Variants in TREM1 observed in about 807,000 individuals in gnomAD.
The protein encoded by TREM1 is triggering receptor expressed on myeloid cells 1.
A neutral mutation model predicts 22.4 loss-of-function variants in TREM1; 16 were observed. The ratio of observed to expected loss-of-function variants is 0.71; its 90% CI spans 0.48 to 1.08. The LOEUF (loss-of-function observed/expected upper bound fraction) is 1.08. Among genes scored for constraint, TREM1 ranks in the 50% least tolerant of loss-of-function variants. TREM1 has a pLI of 0.00. For missense variants in TREM1, 283 were observed against 282.9 expected, an observed-to-expected ratio of 1.00 and a Z score of 0.00; for synonymous variants, 110 against 111.6, an observed-to-expected ratio of 0.99 and a Z score of 0.09.
chr6:41,272,119 TG>T (rs34259777), downstream of TREM1, among the ~76,000 whole-genome samples: 1 of 152,080 alleles, frequency 6.6e-6, no homozygotes, highest in Non-Finnish European at 1.5e-5. Context: ...TGACAAACCT[TG>T]GGGGAAGTGT....
downstream of TREM1, among the ~76,000 whole-genome samples, chr6:41,272,001 A>T (rs938746532): frequency 6.6e-6 from 1 of 152,132 alleles, no homozygotes; most frequent in African/African-American, 2.4e-5. Flanking sequence ...TCTGCCACCC[A>T]GATGTGCTGT....
chr6:41,267,508 T>C (rs752773169), downstream of TREM1, among the ~76,000 whole-genome samples: 65 of 152,032 alleles, frequency 4.3e-4, 3 homozygotes, highest in South Asian at 1.2e-3. Flanking sequence ...CAAATAGACA[T>C]GGAAAATATG....
intron 3 of TREM1, 33 bp downstream of exon 3, chr6:41,280,928 C>T (rs745613571): frequency 6.2e-7 from 1 of 1,614,034 alleles, no homozygotes; most frequent in Non-Finnish European, 8.5e-7. Context: ...GCTCAGTGTC[C>T]AAACCAGGGG....
chr6:41,285,113 A>G (rs892655241), intron 1 of TREM1, among the ~76,000 whole-genome samples: 5 of 152,240 alleles, frequency 3.3e-5, no homozygotes, highest in Non-Finnish European at 7.3e-5. Flanking sequence ...TTAATGTTAC[A>G]GATAAATCTC....
Position 41,281,060 on chromosome 6 carries a change from G to A in TREM1, c.500C>T (p.Thr167Ile), listed in dbSNP as rs771716924. 5.6e-6 allele frequency: 9 copies of A among 1,614,224 alleles called. No individual in the cohort carries two copies. The South Asian group carries it at 9.9e-5, about 18-fold the overall frequency. Residue 167 changes from threonine to isoleucine, a missense_variant, in exon 3 of 4, where the codon ACC becomes ATC. Thr to Ile is a moderately conservative substitution (Grantham distance 89). Transcript: ENST00000244709. ...AGCTTGGGTCACAGTTCTGGGGCTG[G>A]TATAGAGTGGGCACAAGGCCTTAGT... The part of the protein sequence containing the change: ...TTTKALCPLY[T>I]SPRTVTQAPP...
chr6:41,272,732 C>T (rs539461592), downstream of TREM1, among the ~76,000 whole-genome samples: 7 of 152,178 alleles, frequency 4.6e-5, no homozygotes, highest in African/African-American at 1.4e-4. Context: ...GTATGGGCTT[C>T]CCTGAGCTAA....
At chr6:41,277,359 G>C in intron 3 of TREM1, among the ~76,000 whole-genome samples, 1 of 151,902 alleles carries the variant, frequency 6.6e-6, no homozygotes. Flanking sequence ...GGGCAGAGAC[G>C]GGGGCAGGGA....
chr6:41,280,609 A>G, intron 3 of TREM1: 3 of 1,302,618 alleles, frequency 2.3e-6, no homozygotes, highest in African/African-American at 1.5e-5. Flanking sequence ...TCAGGCCAAC[A>G]CTAGATCCAG....
rs571559998 is a variant in TREM1, at chr6:41,282,723, C to G, written c.78G>C (p.Glu26Asp). 3.0e-5 allele frequency: 48 copies of G among 1,613,818 alleles called. No individual in the cohort carries two copies. The South Asian group carries it at 5.1e-4, about 17-fold the overall frequency. ...GCCCCTCTTTCAGTTCATACTTTTC[C>G]TCAGTTAATTTAGTTGCAGCTCGGA... The part of the protein sequence containing the change: ...SELRAATKLT[E>D]EKYELKEGQT... The change falls in exon 2 of 4, where the codon GAG becomes GAC. Residue 26 changes from glutamate (E) to aspartate (D), a missense_variant. Transcript: ENST00000244709.
downstream of TREM1, among the ~76,000 whole-genome samples, chr6:41,269,018 A>C (rs1767409466): frequency 6.6e-6 from 1 of 152,234 alleles, no homozygotes; most frequent in Non-Finnish European, 1.5e-5. Flanking sequence ...GATGCTATGA[A>C]GTCTGACTTC....
intron 3 of TREM1, 198 bp downstream of exon 3, chr6:41,280,763 C>A: frequency 6.9e-7 from 1 of 1,447,242 alleles, no homozygotes; most frequent in Non-Finnish European, 9.0e-7. Flanking sequence ...GGGAGAAGGA[C>A]AGCCTGGCTG....
At position 41,286,664 on chromosome 6, in the gene TREM1, T is replaced by G. The variant is rs1306580575; in HGVS notation, c.-9A>C. 1 of 1,614,060 alleles carries G rather than the reference T, an allele frequency of 6.2e-7. No homozygotes were observed. Among genetic ancestry groups the G allele is most frequent in the East Asian group, 2.2e-5 (1 of 44,866 alleles). On this transcript the variant is annotated 5_prime_UTR_variant, in exon 1 of 4. Coordinates refer to ENST00000244709, the MANE Select transcript of TREM1 (RefSeq NM_018643.5). ...AGCCTGGTCTTCCTCATCCTTCCTG[T>G]GCACCAGCTCCAACTGCTGCTGAGG...
At chr6:41,279,471 G>T (rs1055416970) in intron 3 of TREM1, 3 of 959,152 alleles carry the variant, frequency 3.1e-6, no homozygotes, top group Non-Finnish European at 3.7e-6. Context: ...TATGGGCAAA[G>T]ATTATGTTCT....
At chr6:41,273,025 C>T (rs1332547993), downstream of TREM1, among the ~76,000 whole-genome samples, 2 of 152,164 alleles carry the variant, frequency 1.3e-5, no homozygotes, top group Non-Finnish European at 1.5e-5. Flanking sequence ...ACCCTTCTCC[C>T]GGCAGCTGTG....
At chr6:41,271,364 C>G (rs986303275), downstream of TREM1, among the ~76,000 whole-genome samples, 1 of 152,152 alleles carries the variant, frequency 6.6e-6, no homozygotes, top group East Asian at 1.9e-4. Flanking sequence ...AGGTTAGAAA[C>G]CTTACTCAAG....
downstream of TREM1, among the ~76,000 whole-genome samples, chr6:41,268,948 T>C (rs1191827504): frequency 1.3e-5 from 2 of 152,170 alleles, no homozygotes; most frequent in African/African-American, 4.8e-5. Flanking sequence ...ATGGGTTCAG[T>C]AGATTCCAAC....
downstream of TREM1, among the ~76,000 whole-genome samples, chr6:41,268,752 G>A (rs1436668779): frequency 6.6e-6 from 1 of 152,108 alleles, no homozygotes; most frequent in Non-Finnish European, 1.5e-5. Context: ...CTTTGCAAAG[G>A]ACTGAAGTTT....
intron 1 of TREM1, among the ~76,000 whole-genome samples, chr6:41,284,924 C>T (rs1768095317): frequency 6.6e-6 from 1 of 152,212 alleles, no homozygotes; most frequent in Non-Finnish European, 1.5e-5. Context: ...AATGTGCCTC[C>T]AAGAGACTGT....
chr6:41,272,258 C>A (rs959852839), downstream of TREM1, among the ~76,000 whole-genome samples: 1 of 152,112 alleles, frequency 6.6e-6, no homozygotes, highest in Non-Finnish European at 1.5e-5. Context: ...CCTTTCTGCA[C>A]CATGGTGAGT....
Sources: gnomAD v4.1 joint callset for allele counts (sites outside exome capture counted in the v4.1 genomes callset) on GRCh38, gnomAD v4.1.1 for gene constraint, MANE v1.5 for transcripts, NCBI Gene and HGNC (gene_info 2026-07-23, HGNC 2026-07-21) for gene names.